ENOX2: variants seen among roughly 807,000 people sequenced by gnomAD.
The protein encoded by ENOX2 is ecto-NOX disulfide-thiol exchanger 2, also known as APK1 antigen.
In ENOX2, 36 loss-of-function variants were observed where a neutral mutation model predicts 45.0. That is an observed-to-expected ratio of 0.80 (90% CI 0.61 to 1.06). The LOEUF (loss-of-function observed/expected upper bound fraction) is 1.06. Ranked by LOEUF, ENOX2 falls within the 50% of genes least tolerant of loss-of-function variation. The pLI is 0.00. For missense variants in ENOX2, 423 were observed against 462.5 expected (o/e 0.91, Z 0.78); for synonymous variants, 174 against 152.3 (o/e 1.14, Z -1.05).
chrX:130,632,107 C>G lies in ENOX2; in HGVS notation c.1420-531G>C, dbSNP rs2035757223. Reference sequence around the variant, plus strand: ...AATCTACGTTGGCTACACTGCCAATCCACTGATAGTGAATCAACTGTTGGT... The same window carrying G: ...AATCTACGTTGGCTACACTGCCAATGCACTGATAGTGAATCAACTGTTGGT... On this transcript the variant is annotated intron_variant, in intron 12 of 14. Coordinates refer to ENST00000394363, the MANE Select transcript of ENOX2 (RefSeq NM_006375.4). 7.2e-5 allele frequency among the ~76,000 whole-genome samples: 8 copies of G among 111,207 alleles called. No individual in the cohort carries two copies. The South Asian group carries it at 3.0e-3, about 42-fold the overall frequency.
intron 2 of ENOX2, among the ~76,000 whole-genome samples, chrX:130,887,310 C>T (rs2078922925): frequency 9.0e-6 from 1 of 111,329 alleles, no homozygotes; most frequent in South Asian, 3.8e-4. Flanking sequence ...CTTCTCTCCA[C>T]AAGAAGAAAA....
At chrX:130,758,109 C>T (rs2039396556) in intron 3 of ENOX2, among the ~76,000 whole-genome samples, 1 of 112,083 alleles carries the variant, frequency 8.9e-6, no homozygotes, top group Admixed American at 9.4e-5. Flanking sequence ...TCAGCCAATA[C>T]TATACATTCT....
chrX:130,883,039 T>C (rs187653004), intron 2 of ENOX2, among the ~76,000 whole-genome samples: 213 of 112,649 alleles, frequency 1.9e-3, no homozygotes, highest in African/African-American at 6.6e-3. Context: ...AGTTCATACA[T>C]ATAAGGTATT....
intron 2 of ENOX2, among the ~76,000 whole-genome samples, chrX:130,802,035 C>CT (rs889289983): frequency 8.9e-6 from 1 of 111,921 alleles, no homozygotes; most frequent in Non-Finnish European, 1.9e-5. Context: ...CACTTAAATA[C>CT]TTTTTTGACA....
At chrX:130,733,027 C>T (rs1423405931) in intron 3 of ENOX2, among the ~76,000 whole-genome samples, 1 of 111,942 alleles carries the variant, frequency 8.9e-6, no homozygotes, top group East Asian at 2.8e-4. Context: ...AGTGGGTCTA[C>T]ATCAAACTAA....
intron 2 of ENOX2, among the ~76,000 whole-genome samples, chrX:130,848,672 A>G (rs1490198722): frequency 8.9e-6 from 1 of 112,050 alleles, no homozygotes. Flanking sequence ...TTTGCACCAG[A>G]GAGAACATTC....
chrX:130,896,309 T>A (rs1041612250), intron 2 of ENOX2, among the ~76,000 whole-genome samples: 2 of 111,451 alleles, frequency 1.8e-5, no homozygotes, highest in Non-Finnish European at 3.8e-5. Flanking sequence ...GATCATTTGC[T>A]TATCAGCTAT....
At chrX:130,813,556 C>T (rs1362407016) in intron 2 of ENOX2, among the ~76,000 whole-genome samples, 3 of 111,651 alleles carry the variant, frequency 2.7e-5, no homozygotes, top group East Asian at 2.8e-4. Flanking sequence ...GTATCTGGCT[C>T]ATCTCACTGG....
At chrX:130,798,153 C>T (rs903145342) in intron 2 of ENOX2, among the ~76,000 whole-genome samples, 2 of 111,878 alleles carry the variant, frequency 1.8e-5, no homozygotes, top group African/African-American at 3.2e-5. Context: ...TGGTGGCTCA[C>T]GCCTGTGATA....
intron 2 of ENOX2, among the ~76,000 whole-genome samples, chrX:130,809,879 C>T (rs1344298988): frequency 9.0e-6 from 1 of 110,650 alleles, no homozygotes; most frequent in East Asian, 2.8e-4. Flanking sequence ...AGTGGAAAGA[C>T]CTGAGCTAAA....
intron 6 of ENOX2, among the ~76,000 whole-genome samples, chrX:130,674,784 A>T (rs2037092897): frequency 1.3e-5 from 1 of 79,690 alleles, no homozygotes; most frequent in East Asian, 4.6e-4. Context: ...CAACCCCACA[A>T]CAGTCCCCAG....
chrX:130,721,024 G>C (rs1160705956), intron 3 of ENOX2, among the ~76,000 whole-genome samples: 2 of 111,799 alleles, frequency 1.8e-5, no homozygotes, highest in Non-Finnish European at 3.8e-5. Flanking sequence ...GGGTGACCAA[G>C]GGAGATGAAC....
intron 10 of ENOX2, among the ~76,000 whole-genome samples, chrX:130,646,743 TATA>T (rs2036247458): frequency 8.9e-6 from 1 of 112,370 alleles, no homozygotes; most frequent in Non-Finnish European, 1.9e-5. Context: ...GTGGGAAAAT[TATA>T]ATGTTTTATG....
chrX:130,901,557 TAAGAA>T (rs1270104572), intron 2 of ENOX2, 122 bp downstream of exon 2: 1 of 112,140 alleles, frequency 8.9e-6, no homozygotes, highest in Non-Finnish European at 1.9e-5. Context: ...ATGCATTTCT[TAAGAA>T]AATATATCGA....
intron 2 of ENOX2, among the ~76,000 whole-genome samples, chrX:130,855,931 A>T (rs908413766): frequency 8.9e-6 from 1 of 112,168 alleles, no homozygotes; most frequent in Admixed American, 9.4e-5. Flanking sequence ...GATATTTCAT[A>T]AGGATGATAT....
rs1229247105 is a variant in ENOX2, at chrX:130,867,497, A to G, written c.-183+34187T>C. Among the ~76,000 whole-genome samples, 3 of 111,577 alleles carry G rather than the reference A, an allele frequency of 2.7e-5. No individual in the cohort carries two copies. The East Asian group carries it at 8.4e-4, about 31-fold the overall frequency. ...ATTTTTCCCCAGGCATGATTTTACAACATTATTCATTGATCATTTGACAAA... is the reference window on the plus strand; with the variant it reads ...ATTTTTCCCCAGGCATGATTTTACAGCATTATTCATTGATCATTTGACAAA... On this transcript the variant is annotated intron_variant, in intron 2 of 14. Coordinates refer to ENST00000394363, the MANE Select transcript of ENOX2 (RefSeq NM_006375.4).
At chrX:130,739,248 A>G (rs1238939015) in intron 3 of ENOX2, among the ~76,000 whole-genome samples, 2 of 112,607 alleles carry the variant, frequency 1.8e-5, no homozygotes, top group African/African-American at 6.5e-5. Flanking sequence ...AGTGAGCTGC[A>G]GCTCCCAGTG....
chrX:130,764,575 C>T (rs2039572473), intron 3 of ENOX2, among the ~76,000 whole-genome samples: 1 of 109,073 alleles, frequency 9.2e-6, no homozygotes, highest in Admixed American at 9.8e-5. Context: ...AGGTAAGGTC[C>T]AATCAATCAA....
intron 6 of ENOX2, among the ~76,000 whole-genome samples, chrX:130,673,718 C>T (rs1445743594): frequency 8.9e-6 from 1 of 111,881 alleles, no homozygotes; most frequent in Non-Finnish European, 1.9e-5. Context: ...ATAGGCATTC[C>T]TGAGTGAGAA....
Sources: gnomAD v4.1 joint callset for allele counts (sites outside exome capture counted in the v4.1 genomes callset) on GRCh38, gnomAD v4.1.1 for gene constraint, MANE v1.5 for transcripts, NCBI Gene and HGNC (gene_info 2026-07-23, HGNC 2026-07-21) for gene names.